The following CLPTM1L variants were observed in gnomAD, a reference collection of about 807,000 sequenced individuals.
The protein encoded by CLPTM1L is lipid scramblase CLPTM1L.
A neutral mutation model predicts 70.9 loss-of-function variants in CLPTM1L; 38 were observed. That is an observed-to-expected ratio of 0.54 (90% CI 0.41 to 0.70). The LOEUF is 0.70. Among genes scored for constraint, CLPTM1L ranks in the 30% least tolerant of loss-of-function variants. The probability of loss-of-function intolerance (pLI) is 0.00; values close to 1 mark genes in which losing one functional copy is unlikely to be tolerated. For synonymous variants in CLPTM1L, 339 were observed against 299.9 expected, an observed-to-expected ratio of 1.13 and a Z score of -1.35; for missense variants, 652 against 705.9, an observed-to-expected ratio of 0.92 and a Z score of 0.87.
chr5:1,333,984 G>A (rs1753378181), intron 7 of CLPTM1L, among the ~76,000 whole-genome samples: 1 of 152,128 alleles, frequency 6.6e-6, no homozygotes, highest in Admixed American at 6.5e-5. Flanking sequence ...TCTCATTGGT[G>A]TGGACACTGC....
chr5:1,329,756 C>T (rs1752956382), intron 9 of CLPTM1L, among the ~76,000 whole-genome samples: 1 of 99,482 alleles, frequency 1.0e-5, no homozygotes, highest in Non-Finnish European at 2.0e-5. Context: ...GCCTGGTGGA[C>T]AGGGCCTCAG....
At chr5:1,319,377 G>A (rs929119006) in intron 16 of CLPTM1L, among the ~76,000 whole-genome samples, 2 of 151,998 alleles carry the variant, frequency 1.3e-5, no homozygotes, top group Middle Eastern at 3.4e-3. Flanking sequence ...GCAGCCGGCG[G>A]CCAGGCCTGG....
At chr5:1,328,811 G>C (rs868078276) in intron 9 of CLPTM1L, among the ~76,000 whole-genome samples, 1,696 of 31,450 alleles carry the variant, frequency 0.054, no homozygotes, top group African/African-American at 0.075. Flanking sequence ...TCCAGCTCCT[G>C]CTCTACAGAC....
Position 1,341,806 on chromosome 5 carries a change from G to A in CLPTM1L, c.318C>T (p.Ala106=). The stretch of plus-strand genomic sequence containing the variant: ...CCCCAGCGTGATGGAGGAAGATGTA[G>A]GCATACAGCGTCCCATTGTTTCTCG... ...KKTRNNGTLY[A]YIFLHHAGVL... is the part of the protein sequence containing the mutation. The change falls in exon 3 of 17, where the codon GCC becomes GCT. Residue 106 remains alanine, a synonymous_variant. Transcript: ENST00000320895. 6.2e-7 allele frequency: 1 copy of A among 1,614,072 alleles called. No homozygotes were observed. Among genetic ancestry groups the A allele is most frequent in the African/African-American group, 1.3e-5 (1 of 75,048 alleles).
rs1561237355 is a variant in CLPTM1L, at chr5:1,328,827, G to GCTCCTCCTCTACAGACACATTT, written c.1080+1452_1080+1453insAAATGTGTCTGTAGAGGAGGAG. Among the ~76,000 whole-genome samples, 13 of 56,254 alleles carry GCTCCTCCTCTACAGACACATTT rather than the reference G, an allele frequency of 2.3e-4. 1 individual carries two copies. Among genetic ancestry groups the GCTCCTCCTCTACAGACACATTT allele is most frequent in the African/African-American group, 1.0e-3 (12 of 11,678 alleles). 36.9% of individuals were successfully genotyped at this position (56,254 alleles called of 152,430 possible). A position where few individuals can be genotyped will look rare whatever the true frequency, so the allele number is the denominator to read the frequency against. On this transcript the variant is annotated intron_variant, in intron 9 of 16. Transcript: ENST00000320895. ...CCAGCTCCTGCTCTACAGACACATT[G>GCTCCTCCTCTACAGACACATTT]CATCCAGCTCCTCCTCTACAGACAC...
intron 13 of CLPTM1L, 56 bp downstream of exon 13, chr5:1,322,821 T>G: frequency 6.3e-7 from 1 of 1,579,690 alleles, no homozygotes; most frequent in Non-Finnish European, 8.7e-7. Context: ...CAAGAACAAT[T>G]AAATCGCTGC....
In CLPTM1L at chr5:1,321,123, T is replaced by C. The variant is rs986910492; in HGVS notation, c.1417-392A>G. Reference sequence around the variant, plus strand: ...AGCCAAGGGCAGAGCCACCTGAGCATTGCCCTTTCCTCTGGGAGCTTGTAA... The same window carrying C: ...AGCCAAGGGCAGAGCCACCTGAGCACTGCCCTTTCCTCTGGGAGCTTGTAA... On this transcript the variant is annotated intron_variant, in intron 15 of 16. Transcript: ENST00000320895. Among the ~76,000 whole-genome samples, 4 of 152,170 alleles carry C rather than the reference T, an allele frequency of 2.6e-5. No individual in the cohort carries two copies. In the South Asian group the frequency reaches 6.2e-4, roughly 24 times the overall value.
intron 1 of CLPTM1L, 79 bp downstream of exon 1, chr5:1,344,601 G>T: frequency 1.3e-6 from 2 of 1,497,762 alleles, no homozygotes; most frequent in Non-Finnish European, 1.8e-6. Context: ...TCCGAACTGG[G>T]ACGGGAAGGC....
At chr5:1,344,054 C>A (rs1044207530) in intron 2 of CLPTM1L, among the ~76,000 whole-genome samples, 1 of 152,230 alleles carries the variant, frequency 6.6e-6, no homozygotes, top group Non-Finnish European at 1.5e-5. Context: ...TGTCTGCTCT[C>A]CACTGGTTCA....
chr5:1,335,918 CTAAT>C (rs1487044866), intron 5 of CLPTM1L, among the ~76,000 whole-genome samples: 1 of 148,200 alleles, frequency 6.7e-6, no homozygotes, highest in African/African-American at 2.5e-5. Context: ...GGGCTGTGCT[CTAAT>C]CCACCTGCCC....
At chr5:1,338,400 G>A (rs912972063) in intron 4 of CLPTM1L, 55 of 256,656 alleles carry the variant, frequency 2.1e-4, no homozygotes, top group Non-Finnish European at 3.2e-4. Context: ...GAGCTGTGGC[G>A]CAGGAGTTGG....
chr5:1,337,562 C>T (rs1753655844), intron 5 of CLPTM1L, among the ~76,000 whole-genome samples: 1 of 152,248 alleles, frequency 6.6e-6, no homozygotes, highest in African/African-American at 2.4e-5. Context: ...CATGGCACAC[C>T]AGGAGCTCAC....
rs1158461999 is a variant in CLPTM1L at position 1,324,819 on chromosome 5, G to T, written c.1147-6C>A. The stretch of plus-strand genomic sequence containing the variant: ...GATTCGCTGTAAGTGCCAAACTGTT[G>T]TGAAATTCAACACAGTGATATTAAT... On this transcript the variant is annotated splice_polypyrimidine_tract_variant and splice_region_variant and intron_variant, in intron 10 of 16. Transcript: ENST00000320895. 2 of 1,613,186 alleles carry T rather than the reference G, an allele frequency of 1.2e-6. No individual in the cohort carries two copies. The highest frequency in any genetic ancestry group is 2.2e-5 in the South Asian group (2 of 91,068).
At chr5:1,341,151 T>C (rs936772097) in intron 3 of CLPTM1L, among the ~76,000 whole-genome samples, 1 of 152,256 alleles carries the variant, frequency 6.6e-6, no homozygotes, top group Admixed American at 6.5e-5. Context: ...GTATTCATGA[T>C]CACTTAAGTG....
intron 4 of CLPTM1L, among the ~76,000 whole-genome samples, 158 bp downstream of exon 4, chr5:1,338,702 A>G (rs1261615589): frequency 1.3e-5 from 2 of 152,154 alleles, no homozygotes; most frequent in Admixed American, 6.5e-5. Flanking sequence ...TAGCAGCACA[A>G]CCTCAATGAG....
chr5:1,330,664 C>T (rs934080143), intron 8 of CLPTM1L: 3 of 453,662 alleles, frequency 6.6e-6, no homozygotes, highest in African/African-American at 2.0e-5. Context: ...GGGCAGAGGT[C>T]GGATGACGGG....
At chr5:1,334,826 A>C (rs998104625) in intron 6 of CLPTM1L, among the ~76,000 whole-genome samples, 2 of 152,234 alleles carry the variant, frequency 1.3e-5, no homozygotes, top group African/African-American at 4.8e-5. Context: ...ATTTGACCAA[A>C]CTCATGGCAT....
At chr5:1,321,226 G>A (rs1382245808) in intron 15 of CLPTM1L, among the ~76,000 whole-genome samples, 4 of 152,336 alleles carry the variant, frequency 2.6e-5, no homozygotes, top group East Asian at 1.9e-4. Flanking sequence ...AATCCCACAC[G>A]GAGCCAAGGG....
chr5:1,322,553 T>A (rs567877780), intron 13 of CLPTM1L, among the ~76,000 whole-genome samples: 64 of 152,324 alleles, frequency 4.2e-4, no homozygotes, highest in African/African-American at 1.5e-3. Context: ...CACAATGCTG[T>A]TTTCATCAGC....
Sources: allele counts gnomAD v4.1 joint callset (sites outside exome capture counted in the v4.1 genomes callset), GRCh38; gene constraint gnomAD v4.1.1; transcripts MANE v1.5; gene names NCBI Gene and HGNC (gene_info 2026-07-23, HGNC 2026-07-21).